CTNNA3: variants seen among roughly 807,000 people sequenced by gnomAD.
CTNNA3 encodes the protein catenin alpha 3.
Under a neutral mutation model 95.7 loss-of-function variants are expected in CTNNA3, and 76 were observed. That is an observed-to-expected ratio of 0.79 (90% CI 0.66 to 0.96). The LOEUF (loss-of-function observed/expected upper bound fraction) is 0.96. CTNNA3 is among the 40% of genes least tolerant of loss of function. The pLI is 0.00. For synonymous variants in CTNNA3, 431 were observed against 374.4 expected (o/e 1.15, Z -1.74); for missense variants, 1,191 against 1,089.8 (o/e 1.09, Z -1.31).
At chr10:67,720,268 T>C (rs1841172434) in intron 1 of CTNNA3, among the ~76,000 whole-genome samples, 1 of 151,066 alleles carries the variant, frequency 6.6e-6, no homozygotes, top group African/African-American at 2.4e-5. Context: ...TGATTGGTCT[T>C]GACTGTTTAT....
intron 7 of CTNNA3, among the ~76,000 whole-genome samples, chr10:66,808,398 C>CT (rs1841740833): frequency 6.6e-6 from 1 of 152,152 alleles, no homozygotes; most frequent in African/African-American, 2.4e-5. Context: ...AAAGATATAT[C>CT]TGACCATACT....
intron 12 of CTNNA3, among the ~76,000 whole-genome samples, chr10:66,328,933 T>TATATATATACACAC (rs59003281): frequency 7.5e-4 from 87 of 115,416 alleles, no homozygotes; most frequent in Non-Finnish European, 1.1e-3. Context: ...TATATATATA[T>TATATATATACACAC]ACACACACAC....
chr10:67,427,885 T>C (rs1311338247), intron 5 of CTNNA3, among the ~76,000 whole-genome samples: 1 of 152,020 alleles, frequency 6.6e-6, no homozygotes, highest in Non-Finnish European at 1.5e-5. Context: ...ACCTCCCAGT[T>C]GGTTAGCTCT....
intron 14 of CTNNA3, among the ~76,000 whole-genome samples, chr10:66,080,965 C>A (rs984179015): frequency 6.6e-6 from 1 of 152,076 alleles, no homozygotes; most frequent in Non-Finnish European, 1.5e-5. Flanking sequence ...GAAACTGGGA[C>A]AAGATGTACA....
rs977749705 is a variant in CTNNA3 at position 66,910,634 on chromosome 10, C to G, written c.1048-135110G>C. ...TAGGCATTGAAGATAACATGTAAAG[C>G]CAACTCCATGGCGAGCAAAAACCAT... On this transcript the variant is annotated intron_variant, in intron 7 of 17. Coordinates refer to ENST00000433211, the MANE Select transcript of CTNNA3 (RefSeq NM_013266.4). Among the ~76,000 whole-genome samples, 19 of 152,242 alleles carry G rather than the reference C, an allele frequency of 1.2e-4. No homozygotes were observed. In the East Asian group the frequency reaches 2.7e-3, roughly 22 times the overall value.
intron 9 of CTNNA3, among the ~76,000 whole-genome samples, chr10:66,633,535 C>A (rs1845225793): frequency 6.6e-6 from 1 of 151,944 alleles, no homozygotes; most frequent in Non-Finnish European, 1.5e-5. Flanking sequence ...AAAAAATTAG[C>A]CGGGTGTGGT....
intron 13 of CTNNA3, among the ~76,000 whole-genome samples, chr10:66,155,898 A>G (rs2084478475): frequency 6.6e-6 from 1 of 151,828 alleles, no homozygotes; most frequent in Non-Finnish European, 1.5e-5. Context: ...GTTTCCCAGA[A>G]TAAAGAAAGA....
At chr10:66,227,440 G>C (rs11510947) in intron 13 of CTNNA3, among the ~76,000 whole-genome samples, 21,920 of 150,642 alleles carry the variant, frequency 0.15, 2,094 homozygotes, top group Admixed American at 0.25. Flanking sequence ...CTATTGAGGT[G>C]ATCATTCAAT....
Position 66,757,981 on chromosome 10 carries a change from G to A in CTNNA3, c.1281+8283C>T, listed in dbSNP as rs564994228. ...GTAATGAGTGTAAAGTATTTTGCAT[G>A]ATTTTGGCACAGATTACTAAATATT... is the stretch of plus-strand genomic sequence containing the variant. On this transcript the variant is annotated intron_variant, in intron 9 of 17. Transcript: ENST00000433211. Among the ~76,000 whole-genome samples, 4 of 152,188 alleles carry A rather than the reference G, an allele frequency of 2.6e-5. No homozygotes were observed. In the East Asian group the frequency reaches 7.7e-4, roughly 29 times the overall value.
At chr10:67,661,839 C>T (rs1241217096) in intron 1 of CTNNA3, among the ~76,000 whole-genome samples, 1 of 152,124 alleles carries the variant, frequency 6.6e-6, no homozygotes, top group Non-Finnish European at 1.5e-5. Flanking sequence ...ATATGTACTC[C>T]TCCACACATG....
intron 11 of CTNNA3, 108 bp downstream of exon 11, chr10:66,520,509 C>T (rs1447046959): frequency 2.0e-5 from 20 of 984,080 alleles, no homozygotes; most frequent in Admixed American, 3.0e-5. Context: ...GCCTCGGCTT[C>T]CCAAAGTGTT....
intron 7 of CTNNA3, among the ~76,000 whole-genome samples, chr10:66,884,466 A>T (rs1406081779): frequency 1.3e-5 from 2 of 152,034 alleles, no homozygotes; most frequent in African/African-American, 2.4e-5. Context: ...TATCAAAAGG[A>T]TATTTCACAA....
At chr10:66,064,501 G>T (rs1219340732) in intron 15 of CTNNA3, among the ~76,000 whole-genome samples, 1 of 152,004 alleles carries the variant, frequency 6.6e-6, no homozygotes, top group Non-Finnish European at 1.5e-5. Context: ...CAGTTTAATA[G>T]GTCACACACT....
chr10:67,107,800 C>A (rs753478350), intron 7 of CTNNA3, among the ~76,000 whole-genome samples: 3 of 152,008 alleles, frequency 2.0e-5, no homozygotes, highest in African/African-American at 7.3e-5. Context: ...AAGGTGCACT[C>A]GGGTGCAGTC....
intron 7 of CTNNA3, chr10:66,926,474 G>A: frequency 7.9e-7 from 1 of 1,271,776 alleles, no homozygotes; most frequent in Non-Finnish European, 1.1e-6. Context: ...TTTTCTTCCT[G>A]GGTGTCAGCG....
intron 3 of CTNNA3, among the ~76,000 whole-genome samples, chr10:67,584,967 C>T (rs540345518): frequency 1.2e-4 from 19 of 152,344 alleles, no homozygotes; most frequent in East Asian, 1.2e-3. Flanking sequence ...CCGTCTGTCA[C>T]GGCTTTCCTT....
At chr10:66,281,493 A>C (rs552664570) in intron 12 of CTNNA3, among the ~76,000 whole-genome samples, 1 of 151,962 alleles carries the variant, frequency 6.6e-6, no homozygotes, top group South Asian at 2.1e-4. Flanking sequence ...TCATTCTGTT[A>C]ATGTGTAATT....
In CTNNA3 at chr10:66,409,820, T is replaced by A. The variant is rs1468116251; in HGVS notation, c.1532-30468A>T. On this transcript the variant is annotated intron_variant, in intron 11 of 17. Transcript: ENST00000433211. ...AAACCAAGAACCTGATTATATAGAA[T>A]TAGAAAGGTACAATCAGGGACCTTC... Among the ~76,000 whole-genome samples, 8 of 152,210 alleles carry A rather than the reference T, an allele frequency of 5.3e-5. No individual in the cohort carries two copies. The South Asian group carries it at 1.7e-3, about 31-fold the overall frequency.
intron 7 of CTNNA3, among the ~76,000 whole-genome samples, chr10:66,896,940 C>A (rs1454490305): frequency 6.6e-6 from 1 of 152,140 alleles, no homozygotes; most frequent in South Asian, 2.1e-4. Flanking sequence ...CATTGAGGAG[C>A]AATCCTTGCT....
Sources: gnomAD v4.1 joint callset for allele counts (sites outside exome capture counted in the v4.1 genomes callset) on GRCh38, gnomAD v4.1.1 for gene constraint, MANE v1.5 for transcripts, NCBI Gene and HGNC (gene_info 2026-07-23, HGNC 2026-07-21) for gene names.